Variants in VCL observed in about 807,000 individuals in gnomAD.
VCL encodes the protein vinculin, also known as epididymis luminal protein 114.
A neutral mutation model predicts 125.7 loss-of-function variants in VCL; 47 were observed. The ratio of observed to expected loss-of-function variants is 0.37; its 90% CI spans 0.30 to 0.48. VCL has a LOEUF of 0.48. Among genes scored for constraint, VCL ranks in the 20% least tolerant of loss-of-function variants. The pLI is 0.99. For synonymous variants in VCL, 458 were observed against 514.6 expected (o/e 0.89, Z 1.49); for missense variants, 1,069 against 1,455.5 (o/e 0.73, Z 4.32).
rs201949733 is a variant in VCL, at chr10:74,083,516, A to G, written c.1022+3A>G. 2 of 1,613,688 alleles carry G rather than the reference A, an allele frequency of 1.2e-6. No homozygotes were observed. Among genetic ancestry groups the G allele is most frequent in the African/African-American group, 2.7e-5 (2 of 75,028 alleles). Reference sequence around the variant, plus strand: ...CAAGTGGCTGACCTCCGTGCCAGGTAAAAGTTCCTCTGTCCTTACAGAGCA... The same window carrying G: ...CAAGTGGCTGACCTCCGTGCCAGGTGAAAGTTCCTCTGTCCTTACAGAGCA... On this transcript the variant is annotated splice_donor_region_variant and intron_variant, in intron 8 of 21. Transcript: ENST00000211998.
chr10:74,095,954 G>A (rs1839962047), intron 12 of VCL, 99 bp downstream of exon 12: 46 of 1,408,652 alleles, frequency 3.3e-5, no homozygotes, highest in Non-Finnish European at 3.2e-5. Flanking sequence ...TAATTTCTGG[G>A]GTCTAGGGAA....
intron 21 of VCL, among the ~76,000 whole-genome samples, chr10:74,117,582 G>T (rs990172994): frequency 7.3e-5 from 11 of 151,404 alleles, no homozygotes; most frequent in Non-Finnish European, 1.3e-4. Context: ...GAGCCCAGGG[G>T]GCAGAGGCTG....
chr10:74,087,960 G>A (rs921237428), intron 8 of VCL, among the ~76,000 whole-genome samples: 31 of 152,148 alleles, frequency 2.0e-4, no homozygotes, highest in African/African-American at 6.3e-4. Context: ...CCAAGATCGC[G>A]CCACTTCATT....
chr10:74,007,357 C>T (rs1706765475), intron 1 of VCL, among the ~76,000 whole-genome samples: 1 of 152,114 alleles, frequency 6.6e-6, no homozygotes, highest in African/African-American at 2.4e-5. Context: ...ATAGGAATAT[C>T]CTCATTATCC....
At chr10:74,100,865 T>C in intron 13 of VCL, 83 bp from the exon 14 acceptor site, 12 of 1,549,786 alleles carry the variant, frequency 7.7e-6, no homozygotes, top group Non-Finnish European at 1.1e-5. Context: ...GTTGCTGCCC[T>C]TCTTAAAGGA....
In VCL at chr10:74,020,906, G is replaced by C. The variant is rs531734378; in HGVS notation, c.169-22177G>C. On this transcript the variant is annotated intron_variant, in intron 1 of 21. Coordinates refer to ENST00000211998, the MANE Select transcript of VCL (RefSeq NM_014000.3). Reference sequence around the variant, plus strand: ...GTAGGGTAATCTGTTTATGATGTATGTGTGGAAGAGTGCATACTAAAATGG... The same window carrying C: ...GTAGGGTAATCTGTTTATGATGTATCTGTGGAAGAGTGCATACTAAAATGG... 2.7e-5 allele frequency among the ~76,000 whole-genome samples: 4 copies of C among 149,826 alleles called. No homozygotes were observed. The East Asian group carries it at 7.9e-4, about 29-fold the overall frequency.
intron 19 of VCL, among the ~76,000 whole-genome samples, chr10:74,112,594 T>C (rs998180781): frequency 2.0e-5 from 3 of 152,082 alleles, no homozygotes; most frequent in African/African-American, 7.2e-5. Context: ...CTTGCTGCCC[T>C]GCACTTGGCT....
chr10:74,020,976 A>G (rs1159771082), intron 1 of VCL, among the ~76,000 whole-genome samples: 1 of 152,060 alleles, frequency 6.6e-6, no homozygotes, highest in African/African-American at 2.4e-5. Context: ...AATTGTTTTA[A>G]TGAAAAACTT....
intron 2 of VCL, among the ~76,000 whole-genome samples, chr10:74,066,368 A>G (rs1232364660): frequency 6.6e-6 from 1 of 152,084 alleles, no homozygotes; most frequent in Non-Finnish European, 1.5e-5. Context: ...CAATTTTGGT[A>G]TATTCTCACA....
At chr10:74,083,714 CAG>C (rs1839717992) in intron 8 of VCL, among the ~76,000 whole-genome samples, 2 of 152,128 alleles carry the variant, frequency 1.3e-5, no homozygotes, top group African/African-American at 4.8e-5. Context: ...TTTTTTGAGA[CAG>C]AGTCTCACTC....
chr10:74,090,401 T>A (rs1839860453), intron 10 of VCL, among the ~76,000 whole-genome samples: 1 of 152,150 alleles, frequency 6.6e-6, no homozygotes, highest in South Asian at 2.1e-4. Flanking sequence ...GTAACTGAGG[T>A]TTAATGATTT....
At chr10:74,034,125 C>T (rs76435692) in intron 1 of VCL, among the ~76,000 whole-genome samples, 108 of 152,258 alleles carry the variant, frequency 7.1e-4, no homozygotes, top group African/African-American at 2.5e-3. Context: ...ACTTGTCTTC[C>T]GAGTTTTCTT....
intron 2 of VCL, among the ~76,000 whole-genome samples, chr10:74,065,696 G>GA (rs1006058519): frequency 1.4e-4 from 20 of 140,862 alleles, no homozygotes; most frequent in Non-Finnish European, 2.3e-4. Context: ...AAAAAAAAAA[G>GA]AAAAAAAAAG....
In VCL at chr10:74,101,022, G is replaced by A. The variant is rs200168992; in HGVS notation, c.1947G>A (p.Ala649=). 50 of 1,613,748 alleles carry A rather than the reference G, an allele frequency of 3.1e-5. No individual in the cohort carries two copies. The highest frequency in any genetic ancestry group is 3.5e-5 in the Non-Finnish European group (41 of 1,179,890). ...KLGATAEKAA[A]VGTANKSTVE... ...GTGCTACGGCCGAGAAGGCGGCTGCGGTTGGTACTGCTAATAAATCAACAG... is the reference window on the plus strand; with the variant it reads ...GTGCTACGGCCGAGAAGGCGGCTGCAGTTGGTACTGCTAATAAATCAACAG... Residue 649 remains alanine (A), a synonymous_variant, in exon 14 of 22, where the codon GCG becomes GCA. Transcript: ENST00000211998.
At chr10:74,080,234 G>A (rs974970034) in intron 6 of VCL, among the ~76,000 whole-genome samples, 12 of 152,182 alleles carry the variant, frequency 7.9e-5, no homozygotes, top group Middle Eastern at 3.4e-3. Flanking sequence ...ATTAACCAAA[G>A]TCAAAACTGA....
intron 2 of VCL, among the ~76,000 whole-genome samples, chr10:74,058,783 T>C (rs907330262): frequency 3.3e-5 from 5 of 152,138 alleles, no homozygotes; most frequent in African/African-American, 1.2e-4. Context: ...CAGAAGTAGA[T>C]TGAGATTGTT....
chr10:74,077,327 T>G (rs1426914542), intron 6 of VCL: 1 of 152,750 alleles, frequency 6.5e-6, no homozygotes, highest in Admixed American at 6.5e-5. Context: ...TGTTTTACAT[T>G]TATGTGGTTC....
At chr10:74,072,915 G>A (rs1564523658) in intron 5 of VCL, 63 bp downstream of exon 5, 29 of 1,605,284 alleles carry the variant, frequency 1.8e-5, no homozygotes, top group Non-Finnish European at 1.4e-5. Context: ...TAAACTCTGA[G>A]GTTCATTTTG....
Position 74,103,801 on chromosome 10 carries a change from G to C in VCL, c.2023-19G>C. 1 of 1,611,094 alleles carries C rather than the reference G, an allele frequency of 6.2e-7. No homozygotes were observed. The highest frequency in any genetic ancestry group is 8.5e-7 in the Non-Finnish European group (1 of 1,177,292). On this transcript the variant is annotated intron_variant, in intron 14 of 21. Coordinates refer to ENST00000211998, the MANE Select transcript of VCL (RefSeq NM_014000.3). ...GAGCAAGGGTGCTCTGGTGTTTAAA[G>C]GTGTTTTGTCATTGTCAGGTGGTCT...
Sources: allele counts gnomAD v4.1 joint callset (sites outside exome capture counted in the v4.1 genomes callset), GRCh38; gene constraint gnomAD v4.1.1; transcripts MANE v1.5; gene names NCBI Gene and HGNC (gene_info 2026-07-23, HGNC 2026-07-21).